The following CAMK1D variants were observed in gnomAD, a reference collection of about 807,000 sequenced individuals.
CAMK1D encodes calcium/calmodulin dependent protein kinase ID.
In CAMK1D, 9 loss-of-function variants were observed where a neutral mutation model predicts 47.7. That is an observed-to-expected ratio of 0.19 (90% CI 0.11 to 0.33). The LOEUF (loss-of-function observed/expected upper bound fraction) is 0.33, where lower values mean the gene tolerates loss of function less well. Ranked by LOEUF, CAMK1D falls within the 10% of genes least tolerant of loss-of-function variation. The pLI is 1.00. For missense variants in CAMK1D, 291 were observed against 488.7 expected, an observed-to-expected ratio of 0.60 and a Z score of 3.81; for synonymous variants, 184 against 184.9, an observed-to-expected ratio of 0.99 and a Z score of 0.04.
intron 2 of CAMK1D, among the ~76,000 whole-genome samples, chr10:12,646,528 A>G (rs1179576379): frequency 6.6e-6 from 1 of 152,210 alleles, no homozygotes; most frequent in African/African-American, 2.4e-5. Context: ...GATGTGCCAC[A>G]GAGCTAACAG....
chr10:12,619,725 A>G (rs1166518702), intron 2 of CAMK1D, among the ~76,000 whole-genome samples: 1 of 152,146 alleles, frequency 6.6e-6, no homozygotes, highest in Non-Finnish European at 1.5e-5. Flanking sequence ...CCCAAATGGT[A>G]ACATCTTACA....
intron 1 of CAMK1D, among the ~76,000 whole-genome samples, chr10:12,418,022 G>C (rs190577838): frequency 6.6e-6 from 1 of 152,212 alleles, no homozygotes; most frequent in African/African-American, 2.4e-5. Flanking sequence ...GGCTGGTCTC[G>C]AACTCCTGAC....
intron 6 of CAMK1D, among the ~76,000 whole-genome samples, chr10:12,794,997 G>A (rs12245449): frequency 6.6e-6 from 1 of 152,072 alleles, no homozygotes. Context: ...CCCTTTGCAC[G>A]GTGCCTGGAA....
chr10:12,796,843 C>A (rs1003013402), intron 6 of CAMK1D, among the ~76,000 whole-genome samples: 10 of 152,098 alleles, frequency 6.6e-5, no homozygotes, highest in African/African-American at 2.2e-4. Context: ...TCTGTTTATT[C>A]ATCTTGTTCA....
chr10:12,735,402 C>T (rs1429335297), intron 3 of CAMK1D, among the ~76,000 whole-genome samples: 1 of 152,064 alleles, frequency 6.6e-6, no homozygotes, highest in Non-Finnish European at 1.5e-5. Flanking sequence ...GGCGTGAACC[C>T]GGGAGGCGGA....
intron 1 of CAMK1D, among the ~76,000 whole-genome samples, chr10:12,366,799 A>C (rs376886083): frequency 4.6e-5 from 7 of 151,966 alleles, no homozygotes; most frequent in South Asian, 4.2e-4. Flanking sequence ...GTGGATCTAG[A>C]CTCACTGGAG....
chr10:12,560,902 T>C (rs1183168955), intron 2 of CAMK1D, among the ~76,000 whole-genome samples: 1 of 149,824 alleles, frequency 6.7e-6, no homozygotes, highest in Non-Finnish European at 1.5e-5. Flanking sequence ...AAAGTTACCT[T>C]GATTTCTTTC....
At chr10:12,625,612 T>C (rs1839189333) in intron 2 of CAMK1D, among the ~76,000 whole-genome samples, 1 of 141,996 alleles carries the variant, frequency 7.0e-6, no homozygotes, top group Non-Finnish European at 1.6e-5. Flanking sequence ...ATTACAGGCA[T>C]GAGCCCCCAC....
chr10:12,550,503 G>A (rs779897233), intron 1 of CAMK1D, among the ~76,000 whole-genome samples: 11 of 152,166 alleles, frequency 7.2e-5, no homozygotes, highest in Non-Finnish European at 1.2e-4. Context: ...GTGGGCTCAG[G>A]GGCCGTCTCT....
intron 1 of CAMK1D, among the ~76,000 whole-genome samples, chr10:12,452,610 G>A (rs193163614): frequency 4.0e-5 from 6 of 150,370 alleles, no homozygotes; most frequent in African/African-American, 9.8e-5. Flanking sequence ...TTTTGAGACC[G>A]AGTCTCACTC....
Position 12,648,766 on chromosome 10 carries a change from C to T in CAMK1D, c.225-17970C>T, listed in dbSNP as rs369273636. ...GATTACAGGTGTGAGCCACCACACCCGGTCTCTCTTTTTATTTAATCTTCA... is the reference window on the plus strand; with the variant it reads ...GATTACAGGTGTGAGCCACCACACCTGGTCTCTCTTTTTATTTAATCTTCA... On this transcript the variant is annotated intron_variant, in intron 2 of 10. Transcript: ENST00000619168. Among the ~76,000 whole-genome samples, 13 of 152,264 alleles carry T rather than the reference C, an allele frequency of 8.5e-5. No homozygotes were observed. The South Asian group carries it at 2.5e-3, about 29-fold the overall frequency.
chr10:12,681,128 T>C (rs887134732), intron 3 of CAMK1D, among the ~76,000 whole-genome samples: 1 of 152,168 alleles, frequency 6.6e-6, no homozygotes, highest in Admixed American at 6.5e-5. Flanking sequence ...TTTTCTCTCC[T>C]AAAACTCCGT....
At position 12,418,769 on chromosome 10, in the gene CAMK1D, AGACTT is replaced by A. The variant is rs200262187; in HGVS notation, c.92+68862_92+68866del. On this transcript the variant is annotated intron_variant, in intron 1 of 10. Coordinates refer to ENST00000619168, the MANE Select transcript of CAMK1D (RefSeq NM_153498.4). ...AAACGAATGAAGGTATTACTAGAAAAGACTTGATCAGTCAGTTGAGCAAAGGTTCC... is the reference window on the plus strand; with the variant it reads ...AAACGAATGAAGGTATTACTAGAAAAGATCAGTCAGTTGAGCAAAGGTTCC... Among the ~76,000 whole-genome samples, 489 of 152,350 alleles carry A rather than the reference AGACTT, an allele frequency of 3.2e-3. 2 individuals carry two copies. The highest frequency in any genetic ancestry group is 0.011 in the African/African-American group (458 of 41,578).
chr10:12,483,688 A>T (rs778768793), intron 1 of CAMK1D, among the ~76,000 whole-genome samples: 1 of 148,084 alleles, frequency 6.8e-6, no homozygotes, highest in Non-Finnish European at 1.5e-5. Context: ...TCCAATTTTA[A>T]TTTTTTTTTC....
At chr10:12,536,864 A>G (rs1272965677) in intron 1 of CAMK1D, among the ~76,000 whole-genome samples, 1 of 152,110 alleles carries the variant, frequency 6.6e-6, no homozygotes, top group Non-Finnish European at 1.5e-5. Flanking sequence ...AAACTGCTAC[A>G]GAGTATTCTG....
At chr10:12,378,147 G>A (rs867003812) in intron 1 of CAMK1D, among the ~76,000 whole-genome samples, 2 of 152,202 alleles carry the variant, frequency 1.3e-5, no homozygotes, top group African/African-American at 4.8e-5. Context: ...CCTCATGGGC[G>A]TTCACCCTGC....
rs547304334 is a variant in CAMK1D, at chr10:12,663,250, C to T, written c.225-3486C>T. On this transcript the variant is annotated intron_variant, in intron 2 of 10. Coordinates refer to ENST00000619168, the MANE Select transcript of CAMK1D (RefSeq NM_153498.4). ...TGCTGGGATTACAGGCATGAGCAAC[C>T]GTGCCCGGCCTCTACTTTACTATTT... 1.5e-4 allele frequency among the ~76,000 whole-genome samples: 23 copies of T among 152,238 alleles called. No individual in the cohort carries two copies. In the East Asian group the frequency reaches 3.9e-3, roughly 26 times the overall value.
intron 3 of CAMK1D, among the ~76,000 whole-genome samples, chr10:12,708,786 T>G (rs1833823982): frequency 6.6e-6 from 1 of 152,222 alleles, no homozygotes; most frequent in African/African-American, 2.4e-5. Context: ...TACGATATTA[T>G]TGGTTATTAA....
At chr10:12,801,439 C>A (rs536678127) in intron 6 of CAMK1D, among the ~76,000 whole-genome samples, 2 of 151,322 alleles carry the variant, frequency 1.3e-5, no homozygotes, top group South Asian at 4.2e-4. Flanking sequence ...TTCCATTCAT[C>A]CATCCATCCA....
Sources: allele counts gnomAD v4.1 joint callset (sites outside exome capture counted in the v4.1 genomes callset), GRCh38; gene constraint gnomAD v4.1.1; transcripts MANE v1.5; gene names NCBI Gene and HGNC (gene_info 2026-07-23, HGNC 2026-07-21).